CSMD1: variants seen among roughly 807,000 people sequenced by gnomAD.
CSMD1 encodes CUB and Sushi multiple domains 1.
Under a neutral mutation model 417.5 loss-of-function variants are expected in CSMD1, and 213 were observed. The ratio of observed to expected loss-of-function variants is 0.51; its 90% confidence interval spans 0.46 to 0.57. The LOEUF is 0.57. CSMD1 is among the 20% of genes least tolerant of loss of function. The probability of loss-of-function intolerance (pLI) is 0.00; values close to 1 mark genes in which losing one functional copy is unlikely to be tolerated. For synonymous variants in CSMD1, 2,862 were observed against 1,736.8 expected (o/e 1.65, Z -16.11); for missense variants, 6,923 against 4,529.7 (o/e 1.53, Z -15.17).
intron 3 of CSMD1, among the ~76,000 whole-genome samples, chr8:4,070,658 C>G (rs369176864): frequency 5.3e-5 from 8 of 152,176 alleles, no homozygotes; most frequent in East Asian, 3.9e-4. Flanking sequence ...TGCCCGGCCA[C>G]CACCTATAAC....
At chr8:4,233,495 G>A (rs962835622) in intron 3 of CSMD1, among the ~76,000 whole-genome samples, 1 of 152,166 alleles carries the variant, frequency 6.6e-6, no homozygotes, top group African/African-American at 2.4e-5. Context: ...GAGCTTTCAT[G>A]AACGGGATTA....
chr8:4,729,163 C>T (rs546719147), intron 1 of CSMD1, among the ~76,000 whole-genome samples: 109 of 151,742 alleles, frequency 7.2e-4, no homozygotes, highest in Non-Finnish European at 9.3e-4. Flanking sequence ...GCTAATGAGA[C>T]GGGAGAAAAA....
intron 40 of CSMD1, among the ~76,000 whole-genome samples, chr8:3,143,030 G>A (rs1818600417): frequency 6.6e-6 from 1 of 152,146 alleles, no homozygotes; most frequent in African/African-American, 2.4e-5. Flanking sequence ...TTACAATTAT[G>A]ACAATCTTAA....
At chr8:3,790,651 G>T (rs1431433099) in intron 5 of CSMD1, among the ~76,000 whole-genome samples, 2 of 152,102 alleles carry the variant, frequency 1.3e-5, no homozygotes, top group African/African-American at 4.8e-5. Flanking sequence ...GATAATAGCT[G>T]GGATTTTGTT....
intron 10 of CSMD1, among the ~76,000 whole-genome samples, chr8:3,511,803 A>G: frequency 6.6e-6 from 1 of 151,678 alleles, no homozygotes; most frequent in South Asian, 2.1e-4. Flanking sequence ...ATAACATAAC[A>G]TAACATAACA....
chr8:4,404,624 C>G (rs780120466), intron 3 of CSMD1, among the ~76,000 whole-genome samples: 2 of 151,966 alleles, frequency 1.3e-5, no homozygotes, highest in Non-Finnish European at 2.9e-5. Context: ...TTGCACCAAC[C>G]TAAGTAATGT....
chr8:2,979,118 A>T (rs934479355), intron 54 of CSMD1, among the ~76,000 whole-genome samples: 1 of 152,216 alleles, frequency 6.6e-6, no homozygotes, highest in African/African-American at 2.4e-5. Context: ...ATAATGGTCA[A>T]ATAGAACTAG....
chr8:4,095,121 A>G (rs558167293), intron 3 of CSMD1, among the ~76,000 whole-genome samples: 5 of 152,142 alleles, frequency 3.3e-5, no homozygotes, highest in Admixed American at 2.0e-4. Flanking sequence ...ACGGATATGG[A>G]AAGAACTTGG....
At chr8:4,493,284 T>C (rs1585162081) in intron 2 of CSMD1, among the ~76,000 whole-genome samples, 1 of 152,168 alleles carries the variant, frequency 6.6e-6, no homozygotes, top group African/African-American at 2.4e-5. Context: ...TAAAAGTTAA[T>C]TTTAAAATCC....
chr8:3,570,229 A>G (rs1204657472), intron 10 of CSMD1, among the ~76,000 whole-genome samples: 3 of 152,364 alleles, frequency 2.0e-5, no homozygotes, highest in South Asian at 4.1e-4. Context: ...GAATCACATC[A>G]TATGCAAAAG....
chr8:3,376,591 A>G (rs1007614275), intron 18 of CSMD1, among the ~76,000 whole-genome samples: 4 of 152,178 alleles, frequency 2.6e-5, no homozygotes, highest in South Asian at 2.1e-4. Flanking sequence ...TGTTAAAACT[A>G]TCTTTCTTTA....
At chr8:3,758,296 T>G (rs1198815524) in intron 5 of CSMD1, among the ~76,000 whole-genome samples, 1 of 152,172 alleles carries the variant, frequency 6.6e-6, no homozygotes, top group African/African-American at 2.4e-5. Context: ...GAAGCAAGGG[T>G]GAGGGCTTTA....
At chr8:4,359,032 T>G (rs971504434) in intron 3 of CSMD1, among the ~76,000 whole-genome samples, 1 of 152,176 alleles carries the variant, frequency 6.6e-6, no homozygotes, top group Non-Finnish European at 1.5e-5. Flanking sequence ...TATGCCTATA[T>G]ATGTGGCAAA....
At chr8:4,304,834 T>A (rs932178554) in intron 3 of CSMD1, among the ~76,000 whole-genome samples, 5 of 152,192 alleles carry the variant, frequency 3.3e-5, no homozygotes, top group Non-Finnish European at 7.4e-5. Context: ...CCACTGAACT[T>A]TTGTCTTGAG....
intron 2 of CSMD1, among the ~76,000 whole-genome samples, chr8:4,632,803 T>C (rs1010091931): frequency 2.0e-5 from 3 of 152,176 alleles, no homozygotes; most frequent in Admixed American, 2.0e-4. Context: ...GAAATAAATA[T>C]AATGTGCACT....
chr8:3,698,310 G>A (rs1228949899), intron 7 of CSMD1, among the ~76,000 whole-genome samples: 1 of 152,176 alleles, frequency 6.6e-6, no homozygotes, highest in Admixed American at 6.5e-5. Flanking sequence ...TTTATATGGA[G>A]ATGGGTCTTT....
chr8:3,807,446 G>T (rs1016241780), intron 5 of CSMD1, among the ~76,000 whole-genome samples: 2 of 152,090 alleles, frequency 1.3e-5, no homozygotes, highest in Admixed American at 1.3e-4. Context: ...TATGTGTAAT[G>T]AAAGGCAAAG....
intron 18 of CSMD1, 92 bp downstream of exon 18, chr8:3,387,402 C>A: frequency 9.5e-7 from 1 of 1,052,162 alleles, no homozygotes. Flanking sequence ...TAAGGTACCA[C>A]CCCCTGAAAT....
At chr8:4,691,315 T>G (rs970045487) in intron 1 of CSMD1, among the ~76,000 whole-genome samples, 1 of 152,162 alleles carries the variant, frequency 6.6e-6, no homozygotes, top group African/African-American at 2.4e-5. Flanking sequence ...TTAATTTTCT[T>G]TCCTGATAAC....
Sources: allele counts gnomAD v4.1 joint callset (sites outside exome capture counted in the v4.1 genomes callset), GRCh38; gene constraint gnomAD v4.1.1; transcripts MANE v1.5; gene names NCBI Gene and HGNC (gene_info 2026-07-23, HGNC 2026-07-21).